Variants in ACMSD observed in about 807,000 individuals in gnomAD.
The protein encoded by ACMSD is 2-amino-3-carboxymuconate-6-semialdehyde decarboxylase.
ACMSD carries 37 observed loss-of-function variants against 45.9 expected under a neutral mutation model. The observed-to-expected ratio is 0.81, with a 90% CI of 0.62 to 1.06. The LOEUF (loss-of-function observed/expected upper bound fraction) is 1.06. ACMSD is among the 50% of genes least tolerant of loss of function. The pLI is 0.00. For missense variants in ACMSD, 434 were observed against 420.9 expected, an observed-to-expected ratio of 1.03 and a Z score of -0.27; for synonymous variants, 138 against 148.8, an observed-to-expected ratio of 0.93 and a Z score of 0.53.
At chr2:134,862,875 A>G (rs759693905) in intron 4 of ACMSD, 16 of 744,942 alleles carry the variant, frequency 2.1e-5, no homozygotes, top group Non-Finnish European at 2.3e-5. Context: ...GTAAACTTCA[A>G]CTGCCTCAGC....
At position 134,885,316 on chromosome 2, in the gene ACMSD, TATA is replaced by T. The variant is rs1202220286; in HGVS notation, c.849+12677_849+12679del. On this transcript the variant is annotated intron_variant, in intron 8 of 9. Transcript: ENST00000356140. ...TTATATATATATTTAAATATATATATATAAATATATATGTAAATATATATTTAT... is the reference window on the plus strand; with the variant it reads ...TTATATATATATTTAAATATATATATAATATATATGTAAATATATATTTAT... Among the ~76,000 whole-genome samples, 605 of 103,046 alleles carry T rather than the reference TATA, an allele frequency of 5.9e-3. 7 individuals are homozygous for T. Among genetic ancestry groups the T allele is most frequent in the African/African-American group, 0.02 (465 of 23,794 alleles). 67.6% of individuals were successfully genotyped at this position (103,046 alleles called of 152,430 possible).
At chr2:134,861,773 G>A (rs531337253) in intron 3 of ACMSD, among the ~76,000 whole-genome samples, 196 bp from the exon 4 acceptor site, 1 of 145,568 alleles carries the variant, frequency 6.9e-6, no homozygotes, top group East Asian at 2.0e-4. Flanking sequence ...TCTCATTTGT[G>A]TCCAATCTTT....
chr2:134,863,536 C>A lies in ACMSD; in HGVS notation c.391C>A (p.Arg131Ser). The change falls in exon 5 of 10, where the codon CGC (arginine) becomes AGC (serine). Residue 131 changes from arginine (R) to serine (S), a missense_variant. Coordinates refer to ENST00000356140, the MANE Select transcript of ACMSD (RefSeq NM_138326.3). Reference protein sequence around the residue: ...APELAVKEMERCVKELGFPGV... With the variant: ...APELAVKEMESCVKELGFPGV... ...TGAGCTGGCGGTCAAGGAGATGGAG[C>A]GCTGTGTGAAAGAGCTGGGCTTTCC... 2 of 1,614,180 alleles carry A rather than the reference C, an allele frequency of 1.2e-6. No individual in the cohort carries two copies. Among genetic ancestry groups the A allele is most frequent in the African/African-American group, 2.7e-5 (2 of 75,046 alleles).
At chr2:134,896,138 C>T (rs980291863) in intron 8 of ACMSD, among the ~76,000 whole-genome samples, 2 of 152,132 alleles carry the variant, frequency 1.3e-5, no homozygotes, top group Admixed American at 1.3e-4. Flanking sequence ...CTTCTTTACA[C>T]CATGCAAATT....
chr2:134,897,898 T>C (rs968105468), intron 8 of ACMSD, among the ~76,000 whole-genome samples: 8 of 150,942 alleles, frequency 5.3e-5, no homozygotes, highest in Admixed American at 1.3e-4. Flanking sequence ...TTTTTTTTTT[T>C]ACTTTTTATC....
intron 1 of ACMSD, among the ~76,000 whole-genome samples, chr2:134,840,384 C>T (rs1314046300): frequency 6.6e-6 from 1 of 151,924 alleles, no homozygotes; most frequent in Non-Finnish European, 1.5e-5. Flanking sequence ...CCTCCTTGTG[C>T]AGACAGGATT....
chr2:134,892,431 G>A (rs914758358), intron 8 of ACMSD, among the ~76,000 whole-genome samples: 2 of 151,664 alleles, frequency 1.3e-5, no homozygotes, highest in South Asian at 2.1e-4. Flanking sequence ...AAGGGCCTGT[G>A]CTGAAGTCTT....
intron 1 of ACMSD, among the ~76,000 whole-genome samples, chr2:134,841,257 C>T (rs1318991632): frequency 6.6e-6 from 1 of 152,064 alleles, no homozygotes; most frequent in African/African-American, 2.4e-5. Flanking sequence ...AACCTAGAAT[C>T]CCAGAGCTAT....
intron 8 of ACMSD, among the ~76,000 whole-genome samples, chr2:134,893,952 T>C (rs1206135678): frequency 6.6e-6 from 1 of 152,138 alleles, no homozygotes; most frequent in South Asian, 2.1e-4. Flanking sequence ...TTCTAAAACT[T>C]ATGGATGCAG....
At chr2:134,869,250 T>C (rs185341816) in intron 6 of ACMSD, among the ~76,000 whole-genome samples, 22 of 152,256 alleles carry the variant, frequency 1.4e-4, no homozygotes, top group Admixed American at 1.0e-3. Context: ...TCTCACTCTG[T>C]TGCCCAGGCT....
rs755054128 is a variant in ACMSD, at chr2:134,898,452, T to C, written c.948+13T>C. Reference sequence around the variant, plus strand: ...TGAAGAAACAAAGGTATAATGTCTTTTACTTCACGGCTTTCTTACTGACTT... The same window carrying C: ...TGAAGAAACAAAGGTATAATGTCTTCTACTTCACGGCTTTCTTACTGACTT... On this transcript the variant is annotated intron_variant, in intron 9 of 9. Transcript: ENST00000356140. 18 of 1,550,894 alleles carry C rather than the reference T, an allele frequency of 1.2e-5. 2 individuals are homozygous for C. The South Asian group carries it at 2.0e-4, about 17-fold the overall frequency.
chr2:134,897,790 T>G (rs188473737), intron 8 of ACMSD, among the ~76,000 whole-genome samples: 23 of 152,104 alleles, frequency 1.5e-4, no homozygotes, highest in African/African-American at 5.3e-4. Context: ...AAAGCTATAC[T>G]GTTCAAAAAC....
intron 8 of ACMSD, among the ~76,000 whole-genome samples, chr2:134,888,969 C>T (rs1021003177): frequency 2.6e-5 from 4 of 152,150 alleles, no homozygotes; most frequent in African/African-American, 9.7e-5. Context: ...AAATTCATCA[C>T]TCAAGAATTT....
Position 134,863,375 on chromosome 2 carries a change from C to G in ACMSD, c.250-20C>G, listed in dbSNP as rs554812147. 8 of 1,609,318 alleles carry G rather than the reference C, an allele frequency of 5.0e-6. No homozygotes were observed. The highest frequency in any genetic ancestry group is 4.0e-5 in the African/African-American group (3 of 74,946). ...AGTAGGTTTTCAACAATGCGGTTTT[C>G]CCTTTCCTGTCTCCACCAGGCCAAA... On this transcript the variant is annotated intron_variant, in intron 4 of 9. Coordinates refer to ENST00000356140, the MANE Select transcript of ACMSD (RefSeq NM_138326.3).
intron 2 of ACMSD, among the ~76,000 whole-genome samples, chr2:134,856,493 C>T (rs553001145): frequency 3.9e-5 from 6 of 152,152 alleles, no homozygotes; most frequent in African/African-American, 1.4e-4. Context: ...CCTTTTTCTC[C>T]GCATCCTTAT....
chr2:134,867,001 T>A (rs1205150564), intron 5 of ACMSD, among the ~76,000 whole-genome samples: 1 of 152,232 alleles, frequency 6.6e-6, no homozygotes, highest in African/African-American at 2.4e-5. Flanking sequence ...CACCCAGTGC[T>A]GGGCTCTGAG....
intron 9 of ACMSD, among the ~76,000 whole-genome samples, chr2:134,900,138 T>C (rs1023762690): frequency 6.6e-6 from 1 of 152,216 alleles, no homozygotes; most frequent in Non-Finnish European, 1.5e-5. Flanking sequence ...TTGGAAGGTA[T>C]AGCAGTCCCC....
At chr2:134,842,321 TGTGAG>T (rs1408327532) in intron 1 of ACMSD, among the ~76,000 whole-genome samples, 1 of 152,148 alleles carries the variant, frequency 6.6e-6, no homozygotes, top group Non-Finnish European at 1.5e-5. Flanking sequence ...GCAAGGGGCC[TGTGAG>T]GTAAATTGGC....
At chr2:134,847,783 T>G (rs1573619462) in intron 2 of ACMSD, among the ~76,000 whole-genome samples, 2 of 152,178 alleles carry the variant, frequency 1.3e-5, no homozygotes, top group South Asian at 4.1e-4. Flanking sequence ...GCAAAGGACA[T>G]GAACTCATCC....
Sources: allele counts gnomAD v4.1 joint callset (sites outside exome capture counted in the v4.1 genomes callset), GRCh38; gene constraint gnomAD v4.1.1; transcripts MANE v1.5; gene names NCBI Gene and HGNC (gene_info 2026-07-23, HGNC 2026-07-21).